The following NHSL1 variants were observed in gnomAD, a reference collection of about 807,000 sequenced individuals.
NHSL1 encodes NHS like 1.
In NHSL1, 48 loss-of-function variants were observed where a neutral mutation model predicts 95.0. The observed-to-expected ratio is 0.51, with a 90% CI of 0.40 to 0.64. The LOEUF is 0.64. Among genes scored for constraint, NHSL1 ranks in the 30% least tolerant of loss-of-function variants. The pLI, the probability that NHSL1 is intolerant of heterozygous loss-of-function variation, is 0.00. For missense variants in NHSL1, 1,971 were observed against 2,077.7 expected (o/e 0.95, Z 1.00); for synonymous variants, 783 against 833.9 (o/e 0.94, Z 1.05).
intron 1 of NHSL1, among the ~76,000 whole-genome samples, chr6:138,686,149 T>C (rs769275331): frequency 6.6e-6 from 1 of 152,070 alleles, no homozygotes; most frequent in Non-Finnish European, 1.5e-5. Context: ...TACTTGTAAG[T>C]GTTCTTACCA....
Position 138,431,266 on chromosome 6 carries a change from C to A in NHSL1, c.3079G>T (p.Asp1027Tyr). ...CTGGTGTCTTTCATGAATTTGGGGT[C>A]AAGAGGTGGGGCAGGTGGGGGTTCC... ...SSEPPPAPPL[D>Y]PKFMKDTRPP... is the part of the protein sequence containing the mutation. The change falls in exon 6 of 8, where the codon GAC becomes TAC. Residue 1027 changes from aspartate (D) to tyrosine (Y), a missense_variant. Physicochemically the swap from Asp to Tyr is radical, Grantham distance 160. Around this residue, in one of 3 missense-constraint regions of NHSL1, gnomAD observed 1,602 missense variants for 1,654.5 expected, o/e 0.97. Transcript: ENST00000343505. The surrounding 1 kb of genome is among the most constrained non-coding windows in gnomAD (Gnocchi z 4.0). 6.6e-7 allele frequency: 1 copy of A among 1,506,244 alleles called. No homozygotes were observed. Among genetic ancestry groups the A allele is most frequent in the Non-Finnish European group, 8.9e-7 (1 of 1,123,710 alleles). The allele number at this position is 1,506,244 out of a possible 1,614,324, so 93.3% of individuals were successfully genotyped here.
chr6:138,576,481 C>T (rs1214944887), upstream of NHSL1, among the ~76,000 whole-genome samples: 4 of 152,216 alleles, frequency 2.6e-5, no homozygotes, highest in African/African-American at 9.6e-5. Flanking sequence ...GGGCTGCCCC[C>T]TCCCCTCTCA....
Position 138,431,622 on chromosome 6 carries a change from C to G in NHSL1, c.2723G>C (p.Ser908Thr), listed in dbSNP as rs554930024. The G allele has an allele frequency of 6.4e-6, 10 of 1,551,380 alleles. No homozygotes were observed. In the African/African-American group the frequency reaches 6.8e-5, roughly 11 times the overall value. ...AGTGCCACTTCCTTCAGTAGAAGTA[C>G]TAGAAGAAAGAGAAGTGGACGATGA... Reference protein sequence around the residue: ...ISSSSTSLSSSTSTEGSGTMK... With the variant: ...ISSSSTSLSSTTSTEGSGTMK... The change falls in exon 6 of 8, where the codon AGT becomes ACT. Residue 908 changes from serine (S) to threonine (T), a missense_variant. Ser to Thr is a moderately conservative substitution (Grantham distance 58, BLOSUM62 1). This residue lies in a region of NHSL1 where 1,602 missense variants were observed against 1,654.5 expected (regional missense o/e 0.97). Coordinates refer to ENST00000343505, the MANE Select transcript of NHSL1 (RefSeq NM_001144060.2). This position sits in a 1 kb window ranked among gnomAD's most constrained non-coding sequence, Gnocchi z 4.0.
chr6:138,472,187 A>G (rs1467904250), intron 3 of NHSL1, among the ~76,000 whole-genome samples: 7 of 151,416 alleles, frequency 4.6e-5, no homozygotes, highest in Admixed American at 4.6e-4. Flanking sequence ...TCTCACCAAA[A>G]AAAAAAAAAA....
chr6:138,488,026 C>T (rs1330118036), intron 2 of NHSL1, among the ~76,000 whole-genome samples: 1 of 152,092 alleles, frequency 6.6e-6, no homozygotes, highest in Admixed American at 6.6e-5. Context: ...GTCTATAATC[C>T]CAGCACTTTG....
chr6:138,424,211 C>T lies in NHSL1; in HGVS notation c.4691G>A (p.Gly1564Asp). 1 of 1,501,618 alleles carries T rather than the reference C, an allele frequency of 6.7e-7. No individual in the cohort carries two copies. Among genetic ancestry groups the T allele is most frequent in the Non-Finnish European group, 8.9e-7 (1 of 1,127,852 alleles). The allele number at this position is 1,501,618 out of a possible 1,614,324, so 93.0% of individuals were successfully genotyped here. A position where few individuals can be genotyped will look rare whatever the true frequency, so the allele number is the denominator to read the frequency against. Reference sequence around the variant, plus strand: ...GGCAGGCCCCTCCCCACAGAGCAGGCCGCCCTCGTCCATCTCCTCCCTCGC... The same window carrying T: ...GGCAGGCCCCTCCCCACAGAGCAGGTCGCCCTCGTCCATCTCCTCCCTCGC... Reference protein sequence around the residue: ...GLAREEMDEGGLLCGEGPAAS... With the variant: ...GLAREEMDEGDLLCGEGPAAS... Residue 1564 changes from glycine to aspartate, a missense_variant, in exon 8 of 8, where the codon GGC becomes GAC. This residue lies in a region of NHSL1 where 223 missense variants were observed against 217.0 expected (regional missense o/e 1.03). Coordinates refer to ENST00000343505, the MANE Select transcript of NHSL1 (RefSeq NM_001144060.2). The surrounding 1 kb of genome is among the most constrained non-coding windows in gnomAD (Gnocchi z 5.9).
intron 2 of NHSL1, among the ~76,000 whole-genome samples, chr6:138,480,910 TG>T (rs1779380387): frequency 6.6e-6 from 1 of 152,200 alleles, no homozygotes; most frequent in South Asian, 2.1e-4. Context: ...CTCTGAGAAT[TG>T]AAGGAAAGCA....
intron 1 of NHSL1, among the ~76,000 whole-genome samples, chr6:138,600,324 C>T (rs1784355798): frequency 6.6e-6 from 1 of 152,152 alleles, no homozygotes; most frequent in Non-Finnish European, 1.5e-5. Context: ...GCCTTGAACT[C>T]CTGACCTCAA....
intron 1 of NHSL1, among the ~76,000 whole-genome samples, chr6:138,639,515 C>T (rs765953790): frequency 2.0e-5 from 3 of 151,574 alleles, no homozygotes; most frequent in Non-Finnish European, 4.4e-5. Context: ...TGGTGGTGGG[C>T]GCCTGTAGCC....
chr6:138,544,054 T>C (rs1782687967), intron 1 of NHSL1, among the ~76,000 whole-genome samples: 2 of 152,158 alleles, frequency 1.3e-5, no homozygotes, highest in Admixed American at 1.3e-4. Flanking sequence ...GTTATGGGAA[T>C]AGGTGGAGAA....
intron 1 of NHSL1, among the ~76,000 whole-genome samples, chr6:138,513,528 T>C (rs1781324912): frequency 6.6e-6 from 1 of 152,126 alleles, no homozygotes; most frequent in African/African-American, 2.4e-5. Flanking sequence ...TTTTGAAAAG[T>C]TTCCCTGTGT....
At chr6:138,449,882 G>T (rs1289930079) in intron 3 of NHSL1, among the ~76,000 whole-genome samples, 1 of 152,042 alleles carries the variant, frequency 6.6e-6, no homozygotes, top group Non-Finnish European at 1.5e-5. Context: ...CACATAAAAT[G>T]ATCATCCAGT....
chr6:138,616,268 C>T (rs969715427), intron 1 of NHSL1, among the ~76,000 whole-genome samples: 1 of 152,100 alleles, frequency 6.6e-6, no homozygotes, highest in Non-Finnish European at 1.5e-5. Context: ...TGCACAGCTA[C>T]CTAAGGTTTA....
chr6:138,464,239 G>A (rs1198090399), intron 3 of NHSL1: 9 of 821,576 alleles, frequency 1.1e-5, no homozygotes, highest in Admixed American at 7.8e-5. Flanking sequence ...TGGCCATCAC[G>A]GCCGGCACCG....
chr6:138,523,457 G>A (rs930191504), intron 1 of NHSL1, among the ~76,000 whole-genome samples: 6 of 151,572 alleles, frequency 4.0e-5, no homozygotes, highest in Non-Finnish European at 5.9e-5. Flanking sequence ...CTACAAGTGC[G>A]AGCCACCACC....
At chr6:138,473,843 TA>T (rs35022781) in intron 2 of NHSL1, among the ~76,000 whole-genome samples, 2,466 of 145,772 alleles carry the variant, frequency 0.017, 50 homozygotes, top group African/African-American at 0.052. Context: ...TTATTCCACA[TA>T]AAAAAAAAAA....
intron 1 of NHSL1, among the ~76,000 whole-genome samples, chr6:138,615,719 C>T (rs1031762433): frequency 6.6e-6 from 1 of 152,240 alleles, no homozygotes; most frequent in Non-Finnish European, 1.5e-5. Context: ...GATCCGCCTG[C>T]CTTGGCCTCC....
chr6:138,565,000 A>C (rs1410616427), intron 1 of NHSL1, among the ~76,000 whole-genome samples: 3 of 152,128 alleles, frequency 2.0e-5, no homozygotes, highest in African/African-American at 7.2e-5. Flanking sequence ...AGGGGAGAGG[A>C]CGGAGGCAGA....
intron 3 of NHSL1, among the ~76,000 whole-genome samples, chr6:138,455,523 G>GCCCCGCCTTCACATGCTCCCTGCAAGA (rs1777545084): frequency 3.1e-5 from 2 of 64,578 alleles, no homozygotes; most frequent in East Asian, 5.7e-4. Flanking sequence ...TCCCTGCAAG[G>GCCCCGCCTTCACATGCTCCCTGCAAGA]AGCCCCGCCT....
Sources: allele counts gnomAD v4.1 joint callset (sites outside exome capture counted in the v4.1 genomes callset), GRCh38; gene constraint gnomAD v4.1.1; regional missense constraint gnomAD v4.1.1; non-coding constraint Gnocchi (gnomAD v3.1); transcripts MANE v1.5; gene names NCBI Gene and HGNC (gene_info 2026-07-23, HGNC 2026-07-21).